RFX1: variants seen among roughly 807,000 people sequenced by gnomAD.
RFX1 encodes the protein regulatory factor X1.
RFX1 carries 42 observed loss-of-function variants against 119.6 expected under a neutral mutation model. The observed-to-expected ratio is 0.35, with a 90% CI of 0.27 to 0.45. The LOEUF is 0.45. RFX1 is among the 20% of genes least tolerant of loss of function. The pLI is 1.00. For missense variants in RFX1, 1,118 were observed against 1,368.1 expected, an observed-to-expected ratio of 0.82 and a Z score of 2.88; for synonymous variants, 628 against 618.5, an observed-to-expected ratio of 1.02 and a Z score of -0.23.
intron 8 of RFX1, among the ~76,000 whole-genome samples, chr19:13,973,877 C>T (rs1305127211): frequency 6.6e-6 from 1 of 152,022 alleles, no homozygotes; most frequent in Admixed American, 6.6e-5. Context: ...AGTGATCCAC[C>T]CGCCTCAGTC....
At chr19:13,993,119 TC>T (rs1230855168) in intron 2 of RFX1, among the ~76,000 whole-genome samples, 2 of 151,958 alleles carry the variant, frequency 1.3e-5, no homozygotes. Flanking sequence ...CATGGGAAGA[TC>T]CCATAGCTAC....
At position 13,990,555 on chromosome 19, in the gene RFX1, C is replaced by T. The variant is rs537528334; in HGVS notation, c.319+2970G>A. Among the ~76,000 whole-genome samples, 6 of 152,220 alleles carry T rather than the reference C, an allele frequency of 3.9e-5. No homozygotes were observed. The South Asian group carries it at 1.0e-3, about 26-fold the overall frequency. ...AGATTAGGCCGGGCGCGGTGGCTCA[C>T]GCCTGTAATCCCAGCACTTTTGGAG... On this transcript the variant is annotated intron_variant, in intron 2 of 20. Coordinates refer to ENST00000254325, the MANE Select transcript of RFX1 (RefSeq NM_002918.5). The surrounding 1 kb of genome is among the most constrained non-coding windows in gnomAD (Gnocchi z 4.1).
chr19:13,964,403 A>ATTT (rs1362471691), intron 16 of RFX1, among the ~76,000 whole-genome samples: 5,199 of 145,996 alleles, frequency 0.036, 336 homozygotes, highest in African/African-American at 0.13. Flanking sequence ...TTTTTTTTTA[A>ATTT]AAACGAAAGA....
At chr19:14,000,226 C>T (rs1975169184) in intron 1 of RFX1, among the ~76,000 whole-genome samples, 1 of 152,130 alleles carries the variant, frequency 6.6e-6, no homozygotes, top group African/African-American at 2.4e-5. Context: ...TGGCTTATGC[C>T]TGTGATCCCA....
rs778057637 is a variant in RFX1 at position 13,962,825 on chromosome 19, A to T, written c.2810T>A (p.Leu937Gln). ...AGCCGCCAGTGAGATGTCCTGCGGC[A>T]GCTCGTCCTCGCTCTCCTCCTCCTC... is the stretch of plus-strand genomic sequence containing the variant. ...EEEEEESEDELPQDISLAAGG... is the reference protein window; with the variant it reads ...EEEEEESEDEQPQDISLAAGG... Residue 937 changes from leucine to glutamine, a missense_variant, in exon 21 of 21, where the codon CTG (leucine) becomes CAG (glutamine). By Grantham distance (113) the Leu-to-Gln change is moderately radical. Coordinates refer to ENST00000254325, the MANE Select transcript of RFX1 (RefSeq NM_002918.5). The T allele has an allele frequency of 3.3e-6, 5 of 1,529,038 alleles. No homozygotes were observed. The highest frequency in any genetic ancestry group is 4.4e-6 in the Non-Finnish European group (5 of 1,141,558). 94.7% of individuals were successfully genotyped at this position (1,529,038 alleles called of 1,614,324 possible).
In RFX1 at chr19:13,972,835, T is replaced by G. The variant is rs1403916440; in HGVS notation, c.1222A>C (p.Ser408Arg). ...GGSGSTGGGG[S>R]GAGTYVIQGG... is the part of the protein sequence containing the mutation. ...TGGATCACGTAGGTGCCTGCTCCGC[T>G]GCCGCCGCCTCCGGTGCTGCCACTG... Residue 408 changes from serine (S) to arginine (R), a missense_variant, in exon 9 of 21, where the codon AGC (serine) becomes CGC (arginine). Physicochemically the swap from Ser to Arg is moderately radical, Grantham distance 110 (BLOSUM62 -1). This residue lies in a region of RFX1 where 542 missense variants were observed against 602.7 expected (regional missense o/e 0.90). Coordinates refer to ENST00000254325, the MANE Select transcript of RFX1 (RefSeq NM_002918.5). 2 of 1,591,494 alleles carry G rather than the reference T, an allele frequency of 1.3e-6. No homozygotes were observed. The highest frequency in any genetic ancestry group is 1.7e-6 in the Non-Finnish European group (2 of 1,171,062).
intron 2 of RFX1, 114 bp downstream of exon 2, chr19:13,993,411 A>G: frequency 9.7e-7 from 1 of 1,026,858 alleles, no homozygotes; most frequent in Non-Finnish European, 1.4e-6. Context: ...TGATACCCCA[A>G]GTCCCATCCA....
chr19:13,970,002 C>T lies in RFX1; in HGVS notation c.1488G>A (p.Leu496=). ...SVFMGLRTRR[L]GTRGNSKYHY... ...TAGACGGATGGCCCTACCTGGTGCC[C>T]AGACGGCGGGTTCGCAGGCCCATGA... Residue 496 remains leucine (L), a synonymous_variant, in exon 10 of 21, where the codon CTG becomes CTA. Transcript: ENST00000254325. 2.5e-6 allele frequency: 4 copies of T among 1,609,960 alleles called. No individual in the cohort carries two copies. Among genetic ancestry groups the T allele is most frequent in the Non-Finnish European group, 3.4e-6 (4 of 1,177,720 alleles).
Position 13,961,650 on chromosome 19 carries a change from T to C in RFX1, c.*1045A>G, listed in dbSNP as rs563573437. The C allele has an allele frequency of 6.6e-6, 1 of 151,740 alleles. No individual in the cohort carries two copies. Among genetic ancestry groups the C allele is most frequent in the Non-Finnish European group, 1.5e-5 (1 of 68,166 alleles). 9.4% of individuals were successfully genotyped at this position (151,740 alleles called of 1,614,324 possible). On this transcript the variant is annotated 3_prime_UTR_variant, in exon 21 of 21. Coordinates refer to ENST00000254325, the MANE Select transcript of RFX1 (RefSeq NM_002918.5). ...TTCACCACCGGGAGAGGGAGCCCCG[T>C]GGGCACGGGGACTGGGCAGGGCCGC...
chr19:13,963,911 G>C lies in RFX1; in HGVS notation c.2308C>G (p.Gln770Glu). Residue 770 changes from glutamine to glutamate, a missense_variant, in exon 17 of 21, where the codon CAG (glutamine) becomes GAG (glutamate). By Grantham distance (29) the Gln-to-Glu change is conservative (BLOSUM62 2). Coordinates refer to ENST00000254325, the MANE Select transcript of RFX1 (RefSeq NM_002918.5). ...AGGTCGCTCAGCATCTGGTTGATCT[G>C]TGCGGTGTTCTGCAGCACAGCGCGC... ...AARAVLQNTAQINQMLSDLNR... is the reference protein window; with the variant it reads ...AARAVLQNTAEINQMLSDLNR... 1 of 1,550,154 alleles carries C rather than the reference G, an allele frequency of 6.5e-7. No individual in the cohort carries two copies.
At chr19:13,972,067 G>C (rs1183390131) in intron 9 of RFX1, among the ~76,000 whole-genome samples, 1 of 151,562 alleles carries the variant, frequency 6.6e-6, no homozygotes, top group Non-Finnish European at 1.5e-5. Context: ...TACTTGCAAG[G>C]GTAAACTGGG....
chr19:13,963,590 C>T lies in RFX1; in HGVS notation c.2518G>A (p.Ala840Thr), dbSNP rs759945290. Reference sequence around the variant, plus strand: ...AGCTTGGCGGCCTTGGGGAAGCCGGCGCTGCCCTGGTAGGGCTTGAGCACC... The same window carrying T: ...AGCTTGGCGGCCTTGGGGAAGCCGGTGCTGCCCTGGTAGGGCTTGAGCACC... ...SQVLKPYQGS[A>T]GFPKAAKLFL... is the part of the protein sequence containing the mutation. Residue 840 changes from alanine to threonine, a missense_variant, in exon 18 of 21, where the codon GCC becomes ACC. Physicochemically the swap from Ala to Thr is moderately conservative, Grantham distance 58. Transcript: ENST00000254325. 8 of 1,604,760 alleles carry T rather than the reference C, an allele frequency of 5.0e-6. No homozygotes were observed. The Admixed American group carries it at 8.3e-5, about 17-fold the overall frequency.
At chr19:13,988,452 G>C (rs1348009037) in intron 2 of RFX1, among the ~76,000 whole-genome samples, 3 of 152,210 alleles carry the variant, frequency 2.0e-5, no homozygotes, top group Admixed American at 2.0e-4. Flanking sequence ...GGACCCTGAA[G>C]CAGGTAAGAC....
At chr19:13,992,347 C>A (rs987240146) in intron 2 of RFX1, among the ~76,000 whole-genome samples, 1 of 152,154 alleles carries the variant, frequency 6.6e-6, no homozygotes, top group Admixed American at 6.5e-5. Flanking sequence ...CTGAGTCAGT[C>A]GAGACAGAGA....
intron 2 of RFX1, among the ~76,000 whole-genome samples, chr19:13,988,944 C>T (rs1974707719): frequency 6.6e-6 from 1 of 152,144 alleles, no homozygotes; most frequent in Non-Finnish European, 1.5e-5. Flanking sequence ...ATCGCTTGAA[C>T]CCAGGAGGCA....
intron 2 of RFX1, among the ~76,000 whole-genome samples, chr19:13,992,622 C>T (rs996664961): frequency 1.3e-5 from 2 of 152,226 alleles, no homozygotes; most frequent in African/African-American, 4.8e-5. Flanking sequence ...CTGAAGTGCC[C>T]ACTCAAGGCC....
At chr19:13,970,207 T>A in intron 9 of RFX1, 32 bp from the exon 10 acceptor site, 1 of 1,548,550 alleles carries the variant, frequency 6.5e-7, no homozygotes, top group Middle Eastern at 1.7e-4. Flanking sequence ...AGAGCACCAG[T>A]CAGAGGCGCT....
At position 13,964,025 on chromosome 19, in the gene RFX1, G is replaced by A. The variant is rs373685358; in HGVS notation, c.2212-18C>T. ...GCGGCCACCTGCGTGCAGGGATTGA[G>A]GGGCTTGCTGCTTCCAAGGAACCCC... is the stretch of plus-strand genomic sequence containing the variant. On this transcript the variant is annotated intron_variant, in intron 16 of 20. Coordinates refer to ENST00000254325, the MANE Select transcript of RFX1 (RefSeq NM_002918.5). 5.6e-4 allele frequency: 858 copies of A among 1,527,858 alleles called. No individual in the cohort carries two copies. Among genetic ancestry groups the A allele is most frequent in the Non-Finnish European group, 7.1e-4 (806 of 1,142,914 alleles). 94.6% of individuals were successfully genotyped at this position (1,527,858 alleles called of 1,614,324 possible).
intron 8 of RFX1, among the ~76,000 whole-genome samples, chr19:13,974,400 C>T (rs73517681): frequency 0.036 from 5,547 of 152,146 alleles, 348 homozygotes; most frequent in African/African-American, 0.12. Flanking sequence ...GGCTGCAAAT[C>T]GTCACAAGTA....
Sources: allele counts gnomAD v4.1 joint callset (sites outside exome capture counted in the v4.1 genomes callset), GRCh38; gene constraint gnomAD v4.1.1; regional missense constraint gnomAD v4.1.1; non-coding constraint Gnocchi (gnomAD v3.1); transcripts MANE v1.5; gene names NCBI Gene and HGNC (gene_info 2026-07-23, HGNC 2026-07-21).